The following SLC35F6 variants were observed in gnomAD, a reference collection of about 807,000 sequenced individuals.
SLC35F6 encodes solute carrier family 35 member F6.
A neutral mutation model predicts 29.4 loss-of-function variants in SLC35F6; 26 were observed. The ratio of observed to expected loss-of-function variants is 0.89; its 90% confidence interval spans 0.65 to 1.23. The LOEUF (loss-of-function observed/expected upper bound fraction) is 1.23. SLC35F6 is among the 50% of genes most tolerant of loss of function. The pLI is 0.00. For missense variants in SLC35F6, 428 were observed against 487.8 expected (o/e 0.88, Z 1.15); for synonymous variants, 174 against 206.6 (o/e 0.84, Z 1.35).
At chr2:26,767,218 T>G (rs1038490010) in intron 1 of SLC35F6, among the ~76,000 whole-genome samples, 8 of 152,276 alleles carry the variant, frequency 5.3e-5, no homozygotes, top group South Asian at 2.1e-4. Flanking sequence ...GTTGTAAACC[T>G]GTAAGTGGCA....
intron 1 of SLC35F6, chr2:26,765,104 A>G (rs562844557): frequency 2.8e-6 from 2 of 726,656 alleles, no homozygotes; most frequent in African/African-American, 1.9e-5. Context: ...GGTGCAGGAA[A>G]AACCACTCCA....
rs780828722 is a variant in SLC35F6, at chr2:26,778,326, G to C, written c.931G>C (p.Gly311Arg). The C allele has an allele frequency of 4.3e-6, 7 of 1,614,004 alleles. No individual in the cohort carries two copies. The highest frequency in any genetic ancestry group is 5.9e-6 in the Non-Finnish European group (7 of 1,180,022). Residue 311 changes from glycine (G) to arginine (R), a missense_variant, in exon 6 of 6, where the codon GGC becomes CGC. Coordinates refer to ENST00000344420, the MANE Select transcript of SLC35F6 (RefSeq NM_017877.4). ...CATCTGGGCACTGAGCCTGGCACTG[G>C]GCTGGGAGGCCTTCCATGCACTGCA... ...VVIWALSLAL[G>R]WEAFHALQIL... is the part of the protein sequence containing the mutation.
At chr2:26,773,602 A>T (rs982901011) in intron 1 of SLC35F6, among the ~76,000 whole-genome samples, 2 of 150,774 alleles carry the variant, frequency 1.3e-5, no homozygotes, top group East Asian at 1.9e-4. Flanking sequence ...TATAGAATAT[A>T]TATAGATATG....
At position 26,778,530 on chromosome 2, in the gene SLC35F6, A is replaced by C; in HGVS notation, c.*19A>C. On this transcript the variant is annotated 3_prime_UTR_variant, in exon 6 of 6. Coordinates refer to ENST00000344420, the MANE Select transcript of SLC35F6 (RefSeq NM_017877.4). ...CAGCTGAGGTTCCCTGGAGGCTTCT[A>C]CTGCCACCCGGGTGCTCCTTCTCCC... The C allele has an allele frequency of 6.4e-7, 1 of 1,561,958 alleles. No homozygotes were observed. Among genetic ancestry groups the C allele is most frequent in the Non-Finnish European group, 8.6e-7 (1 of 1,157,076 alleles).
In SLC35F6 at chr2:26,764,312, G is replaced by A. The variant is rs1238135614; in HGVS notation, c.-38G>A. On this transcript the variant is annotated 5_prime_UTR_variant, in exon 1 of 6. Coordinates refer to ENST00000344420, the MANE Select transcript of SLC35F6 (RefSeq NM_017877.4). The stretch of plus-strand genomic sequence containing the variant: ...CAGGAGACCCCGGGTGACGGGGCCC[G>A]GCGCCGCTAACTGGAGCGAACCCCA... 1.9e-6 allele frequency: 3 copies of A among 1,546,380 alleles called. No homozygotes were observed. The highest frequency in any genetic ancestry group is 2.6e-6 in the Non-Finnish European group (3 of 1,145,114).
chr2:26,772,242 C>T (rs1664210586), intron 1 of SLC35F6, among the ~76,000 whole-genome samples: 1 of 152,202 alleles, frequency 6.6e-6, no homozygotes, highest in South Asian at 2.1e-4. Context: ...CTGGGTGCTG[C>T]GGGGGAGGTA....
intron 5 of SLC35F6, 73 bp from the exon 6 acceptor site, chr2:26,777,969 G>A: frequency 7.1e-7 from 1 of 1,414,412 alleles, no homozygotes; most frequent in Non-Finnish European, 9.8e-7. Flanking sequence ...GAGATCAGAG[G>A]AGGCTAAGCC....
intron 1 of SLC35F6, 94 bp downstream of exon 1, chr2:26,764,520 C>G (rs1664059615): frequency 6.8e-7 from 1 of 1,461,464 alleles, no homozygotes; most frequent in Non-Finnish European, 9.3e-7. Flanking sequence ...CTGGCTTCCC[C>G]TGCTTTCCCA....
In SLC35F6 at chr2:26,771,696, A is replaced by G. The variant is rs548161712; in HGVS notation, c.78-2555A>G. ...GGCAGAAATTAGGCACCATGGGTGC[A>G]GTGGCTCATGCCTATAATCTCAGCA... is the stretch of plus-strand genomic sequence containing the variant. On this transcript the variant is annotated intron_variant, in intron 1 of 5. Coordinates refer to ENST00000344420, the MANE Select transcript of SLC35F6 (RefSeq NM_017877.4). Among the ~76,000 whole-genome samples the G allele has an allele frequency of 2.0e-5, 3 of 152,340 alleles. No individual in the cohort carries two copies. The East Asian group carries it at 5.8e-4, about 29-fold the overall frequency.
In SLC35F6 at chr2:26,774,272, C is replaced by G; in HGVS notation, c.99C>G (p.Ala33=). 6.2e-7 allele frequency: 1 copy of G among 1,614,094 alleles called. No homozygotes were observed. The highest frequency in any genetic ancestry group is 1.3e-5 in the African/African-American group (1 of 75,040). ...ACAGATGGGCGGACAATTTCATGGC[C>G]GAGGGCTGTGGAGGGAGCAAGGAGC... ...LSAKWADNFM[A]EGCGGSKEHS... Residue 33 remains alanine, a synonymous_variant, in exon 2 of 6, where the codon GCC becomes GCG. Coordinates refer to ENST00000344420, the MANE Select transcript of SLC35F6 (RefSeq NM_017877.4).
In SLC35F6 at chr2:26,775,689, G is replaced by T; in HGVS notation, c.535+13G>T. Reference sequence around the variant, plus strand: ...GAAGTGATCACAGGTGCGGCCAGGGGCAGGGACACGGGGCTGCCCTATCCT... The same window carrying T: ...GAAGTGATCACAGGTGCGGCCAGGGTCAGGGACACGGGGCTGCCCTATCCT... On this transcript the variant is annotated intron_variant, in intron 4 of 5. Coordinates refer to ENST00000344420, the MANE Select transcript of SLC35F6 (RefSeq NM_017877.4). The surrounding 1 kb of genome is among the most constrained non-coding windows in gnomAD (Gnocchi z 4.6). 6.4e-7 allele frequency: 1 copy of T among 1,552,710 alleles called. No individual in the cohort carries two copies.
chr2:26,772,977 C>T (rs1416222199), intron 1 of SLC35F6, among the ~76,000 whole-genome samples: 1 of 152,156 alleles, frequency 6.6e-6, no homozygotes, highest in Non-Finnish European at 1.5e-5. Flanking sequence ...GAGGTCATGC[C>T]ATGAGTGTGA....
rs779754151 is a variant in SLC35F6, at chr2:26,764,334, C to A, written c.-16C>A. On this transcript the variant is annotated 5_prime_UTR_variant, in exon 1 of 6. Coordinates refer to ENST00000344420, the MANE Select transcript of SLC35F6 (RefSeq NM_017877.4). ...CCCGGCGCCGCTAACTGGAGCGAAC[C>A]CCAGCGTCCGCCGACATGGCCTGGA... The A allele has an allele frequency of 5.8e-6, 9 of 1,549,544 alleles. No individual in the cohort carries two copies. The highest frequency in any genetic ancestry group is 7.0e-6 in the Non-Finnish European group (8 of 1,146,448).
intron 1 of SLC35F6, among the ~76,000 whole-genome samples, chr2:26,771,649 T>G (rs1193381592): frequency 6.6e-6 from 1 of 152,162 alleles, no homozygotes; most frequent in African/African-American, 2.4e-5. Flanking sequence ...TGGCCAGGGA[T>G]CCAAGAGCCA....
intron 1 of SLC35F6, among the ~76,000 whole-genome samples, chr2:26,770,594 C>T (rs1170555112): frequency 2.0e-5 from 3 of 151,758 alleles, no homozygotes; most frequent in South Asian, 2.1e-4. Context: ...GGTGGGTGCC[C>T]GTAATCCCAG....
intron 1 of SLC35F6, among the ~76,000 whole-genome samples, chr2:26,770,441 G>T (rs1214134158): frequency 1.3e-5 from 2 of 152,124 alleles, no homozygotes; most frequent in Non-Finnish European, 2.9e-5. Context: ...TTGTTGGCCG[G>T]ACGCAGAGGC....
rs761784077 is a variant in SLC35F6, at chr2:26,778,039, C to T, written c.647-3C>T. ...GAGTGTAACTGTTTCCTCTACTCCC[C>T]AGGCCTCTTTGGCTTTGTGATCCTC... On this transcript the variant is annotated splice_region_variant and splice_polypyrimidine_tract_variant and intron_variant, in intron 5 of 5. Coordinates refer to ENST00000344420, the MANE Select transcript of SLC35F6 (RefSeq NM_017877.4). 49 of 1,608,368 alleles carry T rather than the reference C, an allele frequency of 3.0e-5. No individual in the cohort carries two copies. Among genetic ancestry groups the T allele is most frequent in the Non-Finnish European group, 4.1e-5 (48 of 1,176,050 alleles).
rs768034411 is a variant in SLC35F6, at chr2:26,775,244, C to T, written c.322+29C>T. 1 of 1,601,312 alleles carries T rather than the reference C, an allele frequency of 6.2e-7. No individual in the cohort carries two copies. Among genetic ancestry groups the T allele is most frequent in the East Asian group, 2.2e-5 (1 of 44,630 alleles). On this transcript the variant is annotated intron_variant, in intron 3 of 5. Coordinates refer to ENST00000344420, the MANE Select transcript of SLC35F6 (RefSeq NM_017877.4). This position sits in a 1 kb window ranked among gnomAD's most constrained non-coding sequence, Gnocchi z 4.6. ...AGTAACCAGGCCAGGCTGAGAAGGG[C>T]TCAGGGGAAGCTGTGGCTGAAGGGG... is the stretch of plus-strand genomic sequence containing the variant.
At position 26,778,483 on chromosome 2, in the gene SLC35F6, C is replaced by A. The variant is rs966287473; in HGVS notation, c.1088C>A (p.Thr363Asn). The A allele has an allele frequency of 5.0e-6, 8 of 1,609,142 alleles. No homozygotes were observed. The highest frequency in any genetic ancestry group is 6.8e-6 in the Non-Finnish European group (8 of 1,177,962). Reference sequence around the variant, plus strand: ...GAGCAGGAGAGACTGCTGGGTGGCACCCGCACTCCCATCAATGATGCCAGC... The same window carrying A: ...GAGCAGGAGAGACTGCTGGGTGGCAACCGCACTCCCATCAATGATGCCAGC... Reference protein sequence around the residue: ...ESEQERLLGGTRTPINDAS With the variant: ...ESEQERLLGGNRTPINDAS Residue 363 changes from threonine (T) to asparagine (N), a missense_variant, in exon 6 of 6, where the codon ACC becomes AAC. Coordinates refer to ENST00000344420, the MANE Select transcript of SLC35F6 (RefSeq NM_017877.4).
Sources: gnomAD v4.1 joint callset for allele counts (sites outside exome capture counted in the v4.1 genomes callset) on GRCh38, gnomAD v4.1.1 for gene constraint, Gnocchi (gnomAD v3.1) non-coding constraint, MANE v1.5 for transcripts, NCBI Gene and HGNC (gene_info 2026-07-23, HGNC 2026-07-21) for gene names.